The following IARS2 variants were observed in gnomAD, a reference collection of about 807,000 sequenced individuals.
IARS2 encodes isoleucyl-tRNA synthetase 2, mitochondrial, also known as isoleucine--tRNA ligase, mitochondrial.
IARS2 carries 56 observed loss-of-function variants against 126.3 expected under a neutral mutation model. The observed-to-expected ratio is 0.44, with a 90% confidence interval of 0.36 to 0.55. IARS2 has a LOEUF of 0.55. Ranked by LOEUF, IARS2 falls within the 20% of genes least tolerant of loss-of-function variation. IARS2 has a pLI of 0.00. For missense variants in IARS2, 1,127 were observed against 1,245.9 expected, an observed-to-expected ratio of 0.90 and a Z score of 1.44; for synonymous variants, 407 against 441.1, an observed-to-expected ratio of 0.92 and a Z score of 0.97.
chr1:220,094,939 C>G (rs1401441572), intron 1 of IARS2, among the ~76,000 whole-genome samples: 1 of 151,856 alleles, frequency 6.6e-6, no homozygotes, highest in Non-Finnish European at 1.5e-5. Flanking sequence ...GAGTTCGAGA[C>G]CATATTGGCT....
chr1:220,101,542 A>T (rs184600314), intron 3 of IARS2, among the ~76,000 whole-genome samples: 240 of 152,216 alleles, frequency 1.6e-3, no homozygotes, highest in Middle Eastern at 6.8e-3. Context: ...TCTACTAAAA[A>T]TACCAAATAA....
intron 14 of IARS2, among the ~76,000 whole-genome samples, chr1:220,130,960 T>C (rs1359773706): frequency 2.0e-5 from 3 of 152,224 alleles, no homozygotes; most frequent in Non-Finnish European, 4.4e-5. Context: ...TCTGTTTTTA[T>C]ACCAACACCA....
chr1:220,107,248 C>CA (rs903867983), intron 10 of IARS2, 97 bp downstream of exon 10: 20 of 738,244 alleles, frequency 2.7e-5, no homozygotes, highest in Admixed American at 6.9e-5. Context: ...TTAACAGAAA[C>CA]AAAAAAATAA....
chr1:220,137,768 A>G, intron 16 of IARS2, 150 bp from the exon 17 acceptor site: 1 of 770,176 alleles, frequency 1.3e-6, no homozygotes, highest in East Asian at 2.7e-5. Context: ...CTAATTTGAG[A>G]TTGTTAGCCC....
intron 22 of IARS2, 123 bp downstream of exon 22, chr1:220,145,776 A>G (rs930523552): frequency 4.0e-5 from 30 of 756,900 alleles, no homozygotes; most frequent in Admixed American, 2.4e-4. Flanking sequence ...ACATCTTTCT[A>G]TGGAAATAAT....
At chr1:220,146,399 TC>T (rs903082527) in intron 22 of IARS2, among the ~76,000 whole-genome samples, 2 of 151,164 alleles carry the variant, frequency 1.3e-5, no homozygotes, top group African/African-American at 4.9e-5. Flanking sequence ...GTGCCTGTAG[TC>T]CCATCTGCTG....
At chr1:220,131,438 A>G (rs1373827283) in intron 14 of IARS2, among the ~76,000 whole-genome samples, 1 of 151,420 alleles carries the variant, frequency 6.6e-6, no homozygotes, top group Non-Finnish European at 1.5e-5. Flanking sequence ...TGCAACCTCC[A>G]CCTCTCGGGT....
chr1:220,118,012 A>C (rs1656963023), intron 12 of IARS2: 1 of 431,832 alleles, frequency 2.3e-6, no homozygotes, highest in African/African-American at 2.1e-5. Context: ...ACAAAACTTG[A>C]ATTTAAGAAA....
At chr1:220,131,373 T>C (rs955835340) in intron 14 of IARS2, among the ~76,000 whole-genome samples, 1 of 151,674 alleles carries the variant, frequency 6.6e-6, no homozygotes, top group Non-Finnish European at 1.5e-5. Context: ...TTTTTTGAGA[T>C]GGAGTTTCAC....
intron 19 of IARS2, among the ~76,000 whole-genome samples, chr1:220,140,882 G>A (rs1437071225): frequency 6.6e-6 from 1 of 151,138 alleles, no homozygotes; most frequent in East Asian, 2.0e-4. Flanking sequence ...TACTTGGGAG[G>A]CTGAGGCAGG....
At chr1:220,109,526 C>T (rs1364226608) in intron 10 of IARS2, among the ~76,000 whole-genome samples, 1 of 152,140 alleles carries the variant, frequency 6.6e-6, no homozygotes, top group African/African-American at 2.4e-5. Flanking sequence ...AAGTTTTGTA[C>T]ATAAGCTATT....
At chr1:220,123,278 A>C (rs1253691766) in intron 12 of IARS2, among the ~76,000 whole-genome samples, 3 of 152,132 alleles carry the variant, frequency 2.0e-5, no homozygotes, top group East Asian at 3.8e-4. Flanking sequence ...GTTTATCTTT[A>C]CTGTTAAAGT....
At chr1:220,141,001 AAG>A (rs1553271777) in intron 19 of IARS2, among the ~76,000 whole-genome samples, 2 of 151,654 alleles carry the variant, frequency 1.3e-5, no homozygotes, top group Non-Finnish European at 2.9e-5. Flanking sequence ...AAAAAAAAAA[AAG>A]ATTGGGTTCC....
intron 12 of IARS2, among the ~76,000 whole-genome samples, chr1:220,117,017 A>G (rs908665469): frequency 1.3e-5 from 2 of 151,988 alleles, no homozygotes; most frequent in Admixed American, 6.6e-5. Context: ...GAGTGCTGAG[A>G]TTACAGGCAT....
Position 220,147,506 on chromosome 1 carries a change from T to C in IARS2, c.2910T>C (p.Arg970=), listed in dbSNP as rs1439170276. The C allele has an allele frequency of 6.2e-7, 1 of 1,614,104 alleles. No individual in the cohort carries two copies. ...ATTTTTTTATAGGTGGTGATATTCG[T>C]GAAGAGTCTTCCTATAAAGTAATTG... ...FLINLEGGDI[R]EESSYKVIVM... The change falls in exon 23 of 23, where the codon CGT becomes CGC. Residue 970 remains arginine (R), a synonymous_variant. Transcript: ENST00000366922.
At chr1:220,111,598 A>ATATATATGTG (rs374024744) in intron 11 of IARS2, among the ~76,000 whole-genome samples, 20 of 134,838 alleles carry the variant, frequency 1.5e-4, no homozygotes, top group African/African-American at 2.5e-4. Flanking sequence ...ATATATATAT[A>ATATATATGTG]TGTGTGTGTG....
intron 7 of IARS2, among the ~76,000 whole-genome samples, 157 bp downstream of exon 7, chr1:220,102,934 A>T (rs1656607703): frequency 6.6e-6 from 1 of 152,194 alleles, no homozygotes; most frequent in Non-Finnish European, 1.5e-5. Flanking sequence ...CCTTTAGGTG[A>T]TCCTTTTTAT....
intron 17 of IARS2, 103 bp downstream of exon 17, chr1:220,138,146 A>C (rs1419065760): frequency 1.7e-5 from 22 of 1,260,430 alleles, no homozygotes; most frequent in Non-Finnish European, 2.3e-5. Flanking sequence ...ACTGAATGAA[A>C]ACGAGTTCTT....
At chr1:220,134,768 G>GTTT (rs57598038) in intron 15 of IARS2, 25 of 151,534 alleles carry the variant, frequency 1.6e-4, no homozygotes, top group South Asian at 2.2e-4. Context: ...TGTTGTTGTT[G>GTTT]TTTTTTTTTT....
Sources: gnomAD v4.1 joint callset for allele counts (sites outside exome capture counted in the v4.1 genomes callset) on GRCh38, gnomAD v4.1.1 for gene constraint, MANE v1.5 for transcripts, NCBI Gene and HGNC (gene_info 2026-07-23, HGNC 2026-07-21) for gene names.